Variants in PLEKHG1 observed in about 807,000 individuals in gnomAD.
PLEKHG1 encodes the protein pleckstrin homology and RhoGEF domain containing G1.
PLEKHG1 carries 44 observed loss-of-function variants against 100.8 expected under a neutral mutation model. The ratio of observed to expected loss-of-function variants is 0.44; its 90% CI spans 0.34 to 0.56. PLEKHG1 has a LOEUF of 0.56. Among genes scored for constraint, PLEKHG1 ranks in the 20% least tolerant of loss-of-function variants. PLEKHG1 has a pLI of 0.01. For synonymous variants in PLEKHG1, 640 were observed against 662.5 expected (o/e 0.97, Z 0.52); for missense variants, 1,545 against 1,720.9 (o/e 0.90, Z 1.81).
chr6:150,765,219 G>A (rs951372379), intron 2 of PLEKHG1, among the ~76,000 whole-genome samples: 3 of 152,170 alleles, frequency 2.0e-5, no homozygotes, highest in Admixed American at 6.5e-5. Flanking sequence ...AGGGCCAGGT[G>A]CAGTGGCTTA....
rs77644933 is a variant in PLEKHG1, at chr6:150,637,763, G to T, written c.-203-317G>T. On this transcript the variant is annotated intron_variant, in intron 1 of 3. Coordinates refer to the PLEKHG1 transcript ENST00000367326. ...TCTAAAATTTCACCACTATCTTTTT[G>T]TCATCGGTCCTTTTATTTTTGAGCT... 1.4e-4 allele frequency among the ~76,000 whole-genome samples: 21 copies of T among 152,056 alleles called. No individual in the cohort carries two copies. In the East Asian group the frequency reaches 4.1e-3, roughly 29 times the overall value.
At chr6:150,779,406 C>T (rs1321650263) in intron 3 of PLEKHG1, among the ~76,000 whole-genome samples, 6 of 137,310 alleles carry the variant, frequency 4.4e-5, no homozygotes, top group Non-Finnish European at 7.5e-5. Flanking sequence ...AGTGCAATGG[C>T]GCGATCTCAG....
chr6:150,803,720 G>A (rs1786844647), intron 6 of PLEKHG1, among the ~76,000 whole-genome samples: 1 of 152,126 alleles, frequency 6.6e-6, no homozygotes. Flanking sequence ...TTGACTACAG[G>A]AAAATGTGCT....
At chr6:150,724,531 A>T (rs1408912080) in intron 1 of PLEKHG1, among the ~76,000 whole-genome samples, 2 of 150,876 alleles carry the variant, frequency 1.3e-5, no homozygotes, top group African/African-American at 4.9e-5. Flanking sequence ...GCCTTTAGAG[A>T]ATTTCTTTCT....
intron 2 of PLEKHG1, among the ~76,000 whole-genome samples, chr6:150,757,336 C>T (rs1374641697): frequency 1.3e-5 from 2 of 152,088 alleles, no homozygotes; most frequent in African/African-American, 4.8e-5. Context: ...TATTTGGTGT[C>T]CTTATTTCAA....
intron 3 of PLEKHG1, among the ~76,000 whole-genome samples, chr6:150,784,205 G>C (rs1166069370): frequency 6.6e-6 from 1 of 152,140 alleles, no homozygotes; most frequent in South Asian, 2.1e-4. Flanking sequence ...CATTTGCTCA[G>C]TGCATGAAAA....
At chr6:150,670,870 C>G (rs139467587) in intron 3 of PLEKHG1, among the ~76,000 whole-genome samples, 1 of 93,364 alleles carries the variant, frequency 1.1e-5, no homozygotes, top group East Asian at 2.6e-4. Context: ...TTATCCCTTG[C>G]CCCCCCCTCC....
chr6:150,633,447 C>T (rs1275302776), intron 1 of PLEKHG1: 2 of 152,928 alleles, frequency 1.3e-5, no homozygotes, highest in Admixed American at 6.5e-5. Context: ...TTATCCGAGT[C>T]GCAGGTGAAG....
At chr6:150,804,585 AAAC>A (rs753736138) in intron 6 of PLEKHG1, 22 bp from the exon 8 acceptor site, 39 of 1,550,388 alleles carry the variant, frequency 2.5e-5, no homozygotes, top group African/African-American at 1.6e-4. Flanking sequence ...AAAAAAAAAA[AAAC>A]CCTCGTTCTT....
At chr6:150,650,244 G>A (rs941878188) in intron 2 of PLEKHG1, among the ~76,000 whole-genome samples, 3 of 152,148 alleles carry the variant, frequency 2.0e-5, no homozygotes, top group Admixed American at 6.5e-5. Context: ...GAGGACTTGT[G>A]TTTTGGAGCT....
intron 2 of PLEKHG1, among the ~76,000 whole-genome samples, chr6:150,740,259 C>T (rs1374949523): frequency 6.6e-6 from 1 of 152,208 alleles, no homozygotes; most frequent in African/African-American, 2.4e-5. Flanking sequence ...CTGATTAAGC[C>T]TGTCTTCCCA....
At chr6:150,617,597 AGT>A (rs1777126300) in intron 1 of PLEKHG1, among the ~76,000 whole-genome samples, 4 of 152,186 alleles carry the variant, frequency 2.6e-5, no homozygotes, top group African/African-American at 9.7e-5. Flanking sequence ...CATAGAACTC[AGT>A]AAGGTTTGGG....
chr6:150,694,319 C>T (rs1780461683), intron 3 of PLEKHG1, among the ~76,000 whole-genome samples: 1 of 152,196 alleles, frequency 6.6e-6, no homozygotes, highest in South Asian at 2.1e-4. Context: ...CTCAGTGCCT[C>T]ATTTTTCTCA....
At chr6:150,768,507 T>C in intron 2 of PLEKHG1, 131 bp from the exon 4 acceptor site, 1 of 634,390 alleles carries the variant, frequency 1.6e-6, no homozygotes, top group Admixed American at 2.8e-5. Context: ...AGCAACTGTG[T>C]ACTCTCAGAG....
At chr6:150,804,842 A>G (rs1018200122) in intron 7 of PLEKHG1, 101 bp downstream of exon 8, 4 of 1,071,600 alleles carry the variant, frequency 3.7e-6, no homozygotes, top group Admixed American at 2.3e-5. Flanking sequence ...CACTACACTC[A>G]TCATCTTCAG....
intron 10 of PLEKHG1, among the ~76,000 whole-genome samples, chr6:150,812,941 A>G (rs1229048131): frequency 6.6e-6 from 1 of 152,184 alleles, no homozygotes; most frequent in Non-Finnish European, 1.5e-5. Context: ...ACTCGTGCAG[A>G]TAATAAAGTC....
chr6:150,839,119 GTTTGTT>G lies in PLEKHG1; in HGVS notation c.3095-705_3095-700del, dbSNP rs1777380170. Among the ~76,000 whole-genome samples, 6 of 152,094 alleles carry G rather than the reference GTTTGTT, an allele frequency of 3.9e-5. No homozygotes were observed. In the South Asian group the frequency reaches 1.2e-3, roughly 32 times the overall value. On this transcript the variant is annotated intron_variant, in intron 15 of 15. Transcript: ENST00000358517. ...TGTGGCCATGCTGCTTTTTTTGTTT[GTTTGTT>G]TTTGTTTTAGATGGAGTCTCACTCT...
chr6:150,821,765 A>G (rs1425322617), intron 13 of PLEKHG1, among the ~76,000 whole-genome samples: 1 of 152,084 alleles, frequency 6.6e-6, no homozygotes, highest in Non-Finnish European at 1.5e-5. Flanking sequence ...ACAGGCATAA[A>G]AAGATTATTA....
At chr6:150,647,357 C>T (rs1422217808) in intron 2 of PLEKHG1, among the ~76,000 whole-genome samples, 1 of 152,140 alleles carries the variant, frequency 6.6e-6, no homozygotes, top group Non-Finnish European at 1.5e-5. Context: ...GTCAGGGACA[C>T]ATAGCTTTGA....
Sources: allele counts gnomAD v4.1 joint callset (sites outside exome capture counted in the v4.1 genomes callset), GRCh38; gene constraint gnomAD v4.1.1; transcripts MANE v1.5; gene names NCBI Gene and HGNC (gene_info 2026-07-23, HGNC 2026-07-21).